The following ADAMTSL1 variants were observed in gnomAD, a reference collection of about 807,000 sequenced individuals.
The protein encoded by ADAMTSL1 is ADAMTS like 1, also known as ADAMTS-like protein 1.
A neutral mutation model predicts 201.8 loss-of-function variants in ADAMTSL1; 126 were observed. The ratio of observed to expected loss-of-function variants is 0.62; its 90% CI spans 0.54 to 0.72. The LOEUF (loss-of-function observed/expected upper bound fraction) is 0.72, where lower values mean the gene tolerates loss of function less well. ADAMTSL1 is among the 30% of genes least tolerant of loss of function. The pLI, the probability that ADAMTSL1 is intolerant of heterozygous loss-of-function variation, is 0.00. For missense variants in ADAMTSL1, 2,679 were observed against 2,277.8 expected (o/e 1.18, Z -3.59); for synonymous variants, 1,121 against 903.4 (o/e 1.24, Z -4.32).
intron 2 of ADAMTSL1, among the ~76,000 whole-genome samples, chr9:18,173,503 A>G (rs1477250182): frequency 6.6e-6 from 1 of 152,138 alleles, no homozygotes; most frequent in Non-Finnish European, 1.5e-5. Context: ...AGGGAAAAAT[A>G]ATTCTTTTTT....
chr9:17,939,853 A>C (rs1827163905), intron 1 of ADAMTSL1, among the ~76,000 whole-genome samples: 1 of 152,134 alleles, frequency 6.6e-6, no homozygotes, highest in Non-Finnish European at 1.5e-5. Context: ...GAATGTTTTA[A>C]TGGAGGCCTG....
chr9:18,230,435 G>A (rs188013364), intron 2 of ADAMTSL1, among the ~76,000 whole-genome samples: 34 of 152,222 alleles, frequency 2.2e-4, no homozygotes, highest in Non-Finnish European at 4.1e-4. Flanking sequence ...GTGAGTAAAG[G>A]TCCAAAAGCC....
intron 1 of ADAMTSL1, among the ~76,000 whole-genome samples, chr9:17,991,292 T>A (rs1180369517): frequency 6.6e-6 from 1 of 152,174 alleles, no homozygotes; most frequent in Non-Finnish European, 1.5e-5. Context: ...TTCCAAACCT[T>A]TGTCCTATCT....
intron 2 of ADAMTSL1, among the ~76,000 whole-genome samples, chr9:18,202,648 C>T (rs1362694712): frequency 1.3e-5 from 2 of 152,170 alleles, no homozygotes; most frequent in Admixed American, 6.6e-5. Context: ...ACTATGCATC[C>T]GTTGCACCCT....
intron 2 of ADAMTSL1, among the ~76,000 whole-genome samples, chr9:18,267,959 C>T (rs1832205389): frequency 1.3e-5 from 2 of 151,982 alleles, no homozygotes; most frequent in Non-Finnish European, 2.9e-5. Context: ...CTCAGAATTT[C>T]TCATAATCTC....
chr9:18,372,439 T>G (rs1012305373), intron 2 of ADAMTSL1, among the ~76,000 whole-genome samples: 7 of 152,136 alleles, frequency 4.6e-5, no homozygotes, highest in Non-Finnish European at 7.4e-5. Flanking sequence ...GACCACCTTA[T>G]GAGAAGTACA....
chr9:18,449,140 G>A lies in ADAMTSL1; in HGVS notation c.208-55689G>A, dbSNP rs1587247565. 2.6e-5 allele frequency among the ~76,000 whole-genome samples: 4 copies of A among 151,864 alleles called. No homozygotes were observed. In the South Asian group the frequency reaches 8.3e-4, roughly 31 times the overall value. The stretch of plus-strand genomic sequence containing the variant: ...AGCACTGATTATATAAAAAGCATGA[G>A]TTGGGGGGATTTAGGGAGGAATTCT... On this transcript the variant is annotated intron_variant, in intron 2 of 29. Coordinates refer to the ADAMTSL1 transcript ENST00000680146.
chr9:18,128,795 G>A (rs1825839102), intron 1 of ADAMTSL1, among the ~76,000 whole-genome samples: 1 of 151,880 alleles, frequency 6.6e-6, no homozygotes, highest in African/African-American at 2.4e-5. Context: ...TAAGAAAGTA[G>A]GTATTTAGGC....
At chr9:18,853,297 C>T (rs1826617400) in intron 23 of ADAMTSL1, among the ~76,000 whole-genome samples, 1 of 152,200 alleles carries the variant, frequency 6.6e-6, no homozygotes. Flanking sequence ...GCAGAGCCAG[C>T]TGAATGGGAT....
chr9:18,799,465 G>A (rs1221861943), intron 20 of ADAMTSL1, among the ~76,000 whole-genome samples: 2 of 152,328 alleles, frequency 1.3e-5, no homozygotes, highest in African/African-American at 2.4e-5. Context: ...GTCTGGATCC[G>A]TGGAGTTTAG....
At chr9:18,697,054 A>AT (rs901938642) in intron 13 of ADAMTSL1, among the ~76,000 whole-genome samples, 12 of 149,002 alleles carry the variant, frequency 8.1e-5, no homozygotes, top group East Asian at 2.0e-4. Flanking sequence ...TAATTTTTGT[A>AT]TTTTTTTTTA....
chr9:18,263,999 T>C (rs1009943182), intron 2 of ADAMTSL1, among the ~76,000 whole-genome samples: 5 of 152,204 alleles, frequency 3.3e-5, no homozygotes, highest in Non-Finnish European at 7.3e-5. Context: ...TTCCTGGACA[T>C]TTTAATTAAA....
intron 23 of ADAMTSL1, among the ~76,000 whole-genome samples, chr9:18,872,909 A>G (rs1827948528): frequency 6.6e-6 from 1 of 152,128 alleles, no homozygotes; most frequent in Non-Finnish European, 1.5e-5. Flanking sequence ...TCTTTAAAGA[A>G]TCTCCATACT....
intron 15 of ADAMTSL1, among the ~76,000 whole-genome samples, chr9:18,731,186 A>G (rs897400042): frequency 2.6e-5 from 4 of 152,252 alleles, no homozygotes; most frequent in African/African-American, 9.6e-5. Flanking sequence ...ATTCCCCACC[A>G]GGAGTAGAGA....
chr9:18,664,188 G>A (rs373996408), intron 9 of ADAMTSL1, among the ~76,000 whole-genome samples: 140 of 152,100 alleles, frequency 9.2e-4, no homozygotes, highest in African/African-American at 3.1e-3. Flanking sequence ...ATGTAAGTAC[G>A]CTACTCTGAG....
chr9:18,289,662 G>T (rs1833171466), intron 2 of ADAMTSL1, among the ~76,000 whole-genome samples: 1 of 152,174 alleles, frequency 6.6e-6, no homozygotes, highest in African/African-American at 2.4e-5. Context: ...GGCTATGATA[G>T]GTATGATCAT....
At chr9:18,785,542 C>T (rs1161372060) in intron 19 of ADAMTSL1, among the ~76,000 whole-genome samples, 1 of 152,222 alleles carries the variant, frequency 6.6e-6, no homozygotes, top group African/African-American at 2.4e-5. Context: ...GGCTCAGGCA[C>T]ATGTGTGGTT....
At chr9:18,359,140 T>C (rs966070174) in intron 2 of ADAMTSL1, among the ~76,000 whole-genome samples, 2 of 152,176 alleles carry the variant, frequency 1.3e-5, no homozygotes, top group African/African-American at 2.4e-5. Context: ...GGCAAACATA[T>C]ATGCATGCAC....
intron 2 of ADAMTSL1, among the ~76,000 whole-genome samples, chr9:18,217,839 G>A (rs1022165216): frequency 1.3e-5 from 2 of 152,070 alleles, no homozygotes; most frequent in Non-Finnish European, 2.9e-5. Flanking sequence ...CTTTGATTTG[G>A]GCAGAGGAAA....
Sources: allele counts gnomAD v4.1 joint callset (sites outside exome capture counted in the v4.1 genomes callset), GRCh38; gene constraint gnomAD v4.1.1; transcripts MANE v1.5; gene names NCBI Gene and HGNC (gene_info 2026-07-23, HGNC 2026-07-21).